DYNC2I1: variants seen among roughly 807,000 people sequenced by gnomAD.
DYNC2I1 encodes the protein cytoplasmic dynein 2 intermediate chain 1.
DYNC2I1 carries 89 observed loss-of-function variants against 133.4 expected under a neutral mutation model. That is an observed-to-expected ratio of 0.67 (90% CI 0.56 to 0.80). The LOEUF is 0.80. DYNC2I1 is among the 30% of genes least tolerant of loss of function. The probability of loss-of-function intolerance (pLI) is 0.00; values close to 1 mark genes in which losing one functional copy is unlikely to be tolerated. For synonymous variants in DYNC2I1, 504 were observed against 484.3 expected, an observed-to-expected ratio of 1.04 and a Z score of -0.54; for missense variants, 1,291 against 1,314.5, an observed-to-expected ratio of 0.98 and a Z score of 0.28.
chr7:158,853,716 G>C (rs56950875), upstream of DYNC2I1, among the ~76,000 whole-genome samples: 2 of 150,352 alleles, frequency 1.3e-5, no homozygotes, highest in Non-Finnish European at 3.0e-5. Flanking sequence ...GTGCAGTGGC[G>C]CGATCTTGGC....
intron 8 of DYNC2I1, among the ~76,000 whole-genome samples, chr7:158,894,618 A>G (rs969010954): frequency 1.3e-5 from 2 of 152,242 alleles, no homozygotes; most frequent in Admixed American, 1.3e-4. Context: ...GGTTGCTTCC[A>G]AGTTTTGGCA....
At position 158,871,505 on chromosome 7, in the gene DYNC2I1, G is replaced by A; in HGVS notation, c.433G>A (p.Gly145Ser). 1 of 1,546,988 alleles carries A rather than the reference G, an allele frequency of 6.5e-7. No individual in the cohort carries two copies. The highest frequency in any genetic ancestry group is 1.2e-5 in the South Asian group (1 of 84,028). Reference protein sequence around the residue: ...RQTVAHHNLLGQETRDRQLLE... With the variant: ...RQTVAHHNLLSQETRDRQLLE... Reference sequence around the variant, plus strand: ...GACCGTGGCCCACCACAACCTGCTGGGCCAGGAGACACGCGACCGGCAGCT... The same window carrying A: ...GACCGTGGCCCACCACAACCTGCTGAGCCAGGAGACACGCGACCGGCAGCT... The change falls in exon 3 of 25, where the codon GGC becomes AGC. Residue 145 changes from glycine (G) to serine (S), a missense_variant. Physicochemically the swap from Gly to Ser is moderately conservative, Grantham distance 56. Coordinates refer to ENST00000407559, the MANE Select transcript of DYNC2I1 (RefSeq NM_018051.5).
At chr7:158,958,507 GC>G (rs201339125), downstream of DYNC2I1, among the ~76,000 whole-genome samples, 273 of 152,344 alleles carry the variant, frequency 1.8e-3, 5 homozygotes, top group East Asian at 0.047. Context: ...TTTGTCTCTT[GC>G]CGACTTGTTC....
intron 4 of DYNC2I1, among the ~76,000 whole-genome samples, chr7:158,953,117 C>A (rs1196604464): frequency 2.0e-5 from 3 of 152,168 alleles, no homozygotes; most frequent in African/African-American, 7.2e-5. Context: ...TGTTCCTACC[C>A]TCCTCGCCCA....
At chr7:158,922,652 G>A in intron 16 of DYNC2I1, 103 bp downstream of exon 16, 1 of 1,196,408 alleles carries the variant, frequency 8.4e-7, no homozygotes, top group Admixed American at 2.3e-5. Flanking sequence ...GCAGGGACAG[G>A]AGGTGGGTAG....
chr7:158,952,739 A>G (rs1362872884), intron 4 of DYNC2I1, among the ~76,000 whole-genome samples: 5 of 148,278 alleles, frequency 3.4e-5, no homozygotes, highest in African/African-American at 1.0e-4. Flanking sequence ...GCACCTTCAT[A>G]TTGTGTGGAC....
the DYNC2I1 span, among the ~76,000 whole-genome samples, chr7:158,842,189 C>T: frequency 1.3e-5 from 2 of 152,118 alleles, no homozygotes; most frequent in African/African-American, 2.4e-5. Context: ...CCACCATGCC[C>T]GGCTAATTTT....
intron 10 of DYNC2I1, 94 bp downstream of exon 10, chr7:158,902,689 A>G: frequency 1.7e-6 from 2 of 1,162,142 alleles, no homozygotes. Flanking sequence ...CTACTCTAAT[A>G]AGGTGGGTGG....
intron 4 of DYNC2I1, among the ~76,000 whole-genome samples, chr7:158,877,686 C>T (rs371019160): frequency 7.9e-5 from 12 of 152,076 alleles, no homozygotes; most frequent in African/African-American, 1.4e-4. Flanking sequence ...TGTACTTTTG[C>T]TTATTTTTTT....
chr7:158,926,537 C>T lies in DYNC2I1; in HGVS notation c.2433+74C>T, dbSNP rs534196335. On this transcript the variant is annotated intron_variant, in intron 19 of 24. Transcript: ENST00000407559. The stretch of plus-strand genomic sequence containing the variant: ...CTGGGTGGAGGTGGCGCCTGAATGG[C>T]GCAGGGGGCGGGACCCAGTTAGCTG... 8.8e-5 allele frequency: 133 copies of T among 1,509,252 alleles called. No homozygotes were observed. The African/African-American group carries it at 1.1e-3, about 12-fold the overall frequency. The allele number at this position is 1,509,252 out of a possible 1,614,324, so 93.5% of individuals were successfully genotyped here.
chr7:158,911,828 C>G, intron 12 of DYNC2I1, 149 bp downstream of exon 12: 1 of 1,088,740 alleles, frequency 9.2e-7, no homozygotes, highest in Non-Finnish European at 1.3e-6. Flanking sequence ...GACCCATCTT[C>G]ACATGGGGCC....
chr7:158,887,670 C>T (rs1351942395), intron 7 of DYNC2I1, among the ~76,000 whole-genome samples: 1 of 152,200 alleles, frequency 6.6e-6, no homozygotes, highest in South Asian at 2.1e-4. Context: ...TGAGTCAAGA[C>T]ATTGCGTTTG....
the DYNC2I1 span, among the ~76,000 whole-genome samples, chr7:158,846,509 G>T: frequency 1.3e-5 from 2 of 151,926 alleles, no homozygotes; most frequent in Non-Finnish European, 2.9e-5. Flanking sequence ...AATACTGTTA[G>T]TAAAAAAAGG....
At position 158,905,970 on chromosome 7, in the gene DYNC2I1, G is replaced by GT; in HGVS notation, c.1358-14dup. 5.6e-6 allele frequency: 9 copies of GT among 1,594,922 alleles called. No individual in the cohort carries two copies. Among genetic ancestry groups the GT allele is most frequent in the Non-Finnish European group, 7.7e-6 (9 of 1,168,724 alleles). On this transcript the variant is annotated intron_variant, in intron 10 of 24. Coordinates refer to ENST00000407559, the MANE Select transcript of DYNC2I1 (RefSeq NM_018051.5). ...CATATTTCCGTGTTGGAAAAATAGT[G>GT]TTTTTCTCCCTCACACAGATACAAA...
At chr7:158,918,600 C>T (rs1366121676) in intron 14 of DYNC2I1, 140 bp from the exon 15 acceptor site, 32 of 902,698 alleles carry the variant, frequency 3.5e-5, no homozygotes, top group Middle Eastern at 2.3e-4. Flanking sequence ...AGGACCGTAT[C>T]GTTTTTCTTG....
At chr7:158,866,879 C>T (rs964458802) in intron 1 of DYNC2I1, among the ~76,000 whole-genome samples, 4 of 147,426 alleles carry the variant, frequency 2.7e-5, no homozygotes, top group Non-Finnish European at 4.5e-5. Context: ...AGCAAGGCTC[C>T]GTCTCAAAAA....
chr7:158,913,000 A>G lies in DYNC2I1; in HGVS notation c.1606A>G (p.Asn536Asp). Residue 536 changes from asparagine to aspartate, a missense_variant, in exon 13 of 25, where the codon AAC (asparagine) becomes GAC (aspartate). Transcript: ENST00000407559. ...TGTTTTTAAGGCATATGTTCAGTGT[A>G]ACGAAGATAATGTTGAAAGAGACAT... ...KNTKQAYVQC[N>D]EDNVERDIQT... is the part of the protein sequence containing the mutation. 1 of 1,612,420 alleles carries G rather than the reference A, an allele frequency of 6.2e-7. No individual in the cohort carries two copies. Among genetic ancestry groups the G allele is most frequent in the Non-Finnish European group, 8.5e-7 (1 of 1,179,202 alleles).
chr7:158,951,393 AGTG>A (rs1440656777), intron 4 of DYNC2I1, among the ~76,000 whole-genome samples: 1 of 152,228 alleles, frequency 6.6e-6, no homozygotes, highest in Non-Finnish European at 1.5e-5. Context: ...TCAAAGGACA[AGTG>A]GGAGTGAAGC....
chr7:158,845,697 A>T, the DYNC2I1 span, among the ~76,000 whole-genome samples: 2 of 152,248 alleles, frequency 1.3e-5, no homozygotes, highest in Non-Finnish European at 2.9e-5. Flanking sequence ...GATGGTTGAC[A>T]GGGAAATAAC....
Sources: gnomAD v4.1 joint callset for allele counts (sites outside exome capture counted in the v4.1 genomes callset) on GRCh38, gnomAD v4.1.1 for gene constraint, MANE v1.5 for transcripts, NCBI Gene and HGNC (gene_info 2026-07-23, HGNC 2026-07-21) for gene names.